Variants in PRKCH observed in about 807,000 individuals in gnomAD.
PRKCH encodes protein kinase C eta type.
Under a neutral mutation model 82.5 loss-of-function variants are expected in PRKCH, and 28 were observed. The observed-to-expected ratio is 0.34, with a 90% CI of 0.25 to 0.47. The LOEUF is 0.47. Ranked by LOEUF, PRKCH falls within the 20% of genes least tolerant of loss-of-function variation. The pLI is 1.00. For synonymous variants in PRKCH, 322 were observed against 327.4 expected, an observed-to-expected ratio of 0.98 and a Z score of 0.18; for missense variants, 705 against 881.8, an observed-to-expected ratio of 0.80 and a Z score of 2.54.
At chr14:61,268,061 G>A (rs187656977) in intron 1 of PRKCH, among the ~76,000 whole-genome samples, 16 of 152,138 alleles carry the variant, frequency 1.1e-4, no homozygotes, top group Non-Finnish European at 1.6e-4. Context: ...CCAACTCTTC[G>A]GAATCCCTTA....
At chr14:61,320,413 A>G (rs1594908697), upstream of PRKCH, among the ~76,000 whole-genome samples, 1 of 152,164 alleles carries the variant, frequency 6.6e-6, no homozygotes, top group Admixed American at 6.5e-5. Context: ...CAGCCTGACC[A>G]ACATGGAGAA....
chr14:61,264,251 T>G (rs1009922093), intron 1 of PRKCH, among the ~76,000 whole-genome samples: 16 of 152,242 alleles, frequency 1.1e-4, no homozygotes, highest in African/African-American at 3.6e-4. Context: ...CATTTTTATG[T>G]TAAACTTTAT....
At chr14:61,297,261 A>T (rs985363719) in intron 1 of PRKCH, among the ~76,000 whole-genome samples, 2 of 152,224 alleles carry the variant, frequency 1.3e-5, no homozygotes, top group African/African-American at 4.8e-5. Flanking sequence ...AAATTTGCCA[A>T]TGTTACAGTT....
chr14:61,238,181 A>T (rs1280610752), intron 1 of PRKCH, among the ~76,000 whole-genome samples: 2 of 152,182 alleles, frequency 1.3e-5, no homozygotes, highest in Non-Finnish European at 2.9e-5. Context: ...TTACTTTCCT[A>T]ACTATAGCCT....
chr14:61,271,382 A>G (rs1253948659), intron 1 of PRKCH, among the ~76,000 whole-genome samples: 1 of 152,194 alleles, frequency 6.6e-6, no homozygotes, highest in Non-Finnish European at 1.5e-5. Context: ...TGGTAGGTCA[A>G]GTGAAATCCC....
At chr14:61,188,588 TCGGGGGGGTGGGGGGGTG>T (rs767540955) in intron 1 of PRKCH, among the ~76,000 whole-genome samples, 19 of 69,342 alleles carry the variant, frequency 2.7e-4, no homozygotes, top group African/African-American at 9.4e-4. Context: ...TGTGTGTGTG[TCGGGGGGGTGGGGGGGTG>T]GTGTGGTGTG....
At chr14:61,270,477 T>C (rs1390450914) in intron 1 of PRKCH, among the ~76,000 whole-genome samples, 1 of 152,220 alleles carries the variant, frequency 6.6e-6, no homozygotes, top group Non-Finnish European at 1.5e-5. Flanking sequence ...GGGGCTCCTG[T>C]GTTCTTTTGA....
intron 12 of PRKCH, among the ~76,000 whole-genome samples, chr14:61,534,221 C>G (rs552001012): frequency 8.2e-4 from 125 of 152,240 alleles, no homozygotes; most frequent in Non-Finnish European, 1.5e-3. Flanking sequence ...GATATTTACC[C>G]AAAAGAATTG....
chr14:61,540,668 T>C (rs2043171998), intron 12 of PRKCH, among the ~76,000 whole-genome samples: 1 of 152,236 alleles, frequency 6.6e-6, no homozygotes, highest in Admixed American at 6.5e-5. Context: ...CTTCTTAAGC[T>C]GTAACTTGTA....
chr14:61,513,905 G>C (rs2139978965), intron 10 of PRKCH, among the ~76,000 whole-genome samples: 1 of 152,144 alleles, frequency 6.6e-6, no homozygotes, highest in South Asian at 2.1e-4. Context: ...AAATGTGGAG[G>C]GAATATCATC....
At chr14:61,512,272 T>TA (rs1555394613) in intron 10 of PRKCH, among the ~76,000 whole-genome samples, 11 of 134,896 alleles carry the variant, frequency 8.2e-5, no homozygotes, top group Non-Finnish European at 1.6e-4. Context: ...TTTTTTTTTT[T>TA]AAAGCAGGGC....
At chr14:61,344,221 G>C (rs1324556730) in intron 1 of PRKCH, 1 of 152,178 alleles carries the variant, frequency 6.6e-6, no homozygotes, top group Non-Finnish European at 1.5e-5. Context: ...CTGCTTACTG[G>C]ATGCGTAAGA....
At chr14:61,339,886 G>C (rs146422136) in intron 1 of PRKCH, among the ~76,000 whole-genome samples, 255 of 151,706 alleles carry the variant, frequency 1.7e-3, no homozygotes, top group African/African-American at 5.8e-3. Flanking sequence ...AGGTCCTCTA[G>C]GTTGCCCAGG....
intron 2 of PRKCH, among the ~76,000 whole-genome samples, chr14:61,394,286 G>T (rs1439055710): frequency 6.6e-6 from 1 of 151,788 alleles, no homozygotes; most frequent in African/African-American, 2.4e-5. Flanking sequence ...AACTGTTCAG[G>T]TTACAATTTG....
chr14:61,370,705 T>A (rs923229959), intron 1 of PRKCH, among the ~76,000 whole-genome samples: 1 of 152,124 alleles, frequency 6.6e-6, no homozygotes, highest in African/African-American at 2.4e-5. Flanking sequence ...AGCTGATTTT[T>A]TTCTCTTTCT....
At chr14:61,222,787 C>A (rs889357796) in intron 1 of PRKCH, among the ~76,000 whole-genome samples, 2 of 152,208 alleles carry the variant, frequency 1.3e-5, no homozygotes, top group African/African-American at 4.8e-5. Flanking sequence ...CTTTCAGTTT[C>A]TTGCTTATAT....
At chr14:61,456,111 G>A (rs529612262) in intron 7 of PRKCH, among the ~76,000 whole-genome samples, 1 of 152,170 alleles carries the variant, frequency 6.6e-6, no homozygotes, top group Non-Finnish European at 1.5e-5. Context: ...AATGTGCCAG[G>A]CACCAATCTA....
rs1262204036 is a variant in PRKCH at position 61,331,260 on chromosome 14, G to A, written c.363+8796G>A. Among the ~76,000 whole-genome samples, 3 of 152,094 alleles carry A rather than the reference G, an allele frequency of 2.0e-5. No homozygotes were observed. In the South Asian group the frequency reaches 6.2e-4, roughly 32 times the overall value. ...GATTTTTACTTACATAAAGATTTGT[G>A]TCCTAGTATTTCAGAGAAAGCTAGC... On this transcript the variant is annotated intron_variant, in intron 1 of 13. Coordinates refer to ENST00000332981, the MANE Select transcript of PRKCH (RefSeq NM_006255.5).
At chr14:61,422,151 A>G (rs923258650) in intron 2 of PRKCH, among the ~76,000 whole-genome samples, 3 of 152,096 alleles carry the variant, frequency 2.0e-5, no homozygotes, top group East Asian at 1.9e-4. Flanking sequence ...TGGCGCAACA[A>G]TGGATCACTG....
Sources: allele counts gnomAD v4.1 joint callset (sites outside exome capture counted in the v4.1 genomes callset), GRCh38; gene constraint gnomAD v4.1.1; transcripts MANE v1.5; gene names NCBI Gene and HGNC (gene_info 2026-07-23, HGNC 2026-07-21).